The following SLC29A3 variants were observed in gnomAD, a reference collection of about 807,000 sequenced individuals.
The protein encoded by SLC29A3 is equilibrative nucleoside transporter 3.
In SLC29A3, 18 loss-of-function variants were observed where a neutral mutation model predicts 25.4. That is an observed-to-expected ratio of 0.71 (90% CI 0.49 to 1.05). The LOEUF is 1.05. Ranked by LOEUF, SLC29A3 falls within the 50% of genes least tolerant of loss-of-function variation. SLC29A3 has a pLI of 0.00. For synonymous variants in SLC29A3, 258 were observed against 267.1 expected, an observed-to-expected ratio of 0.97 and a Z score of 0.33; for missense variants, 586 against 609.0, an observed-to-expected ratio of 0.96 and a Z score of 0.40.
At chr10:71,330,384 C>T (rs1846090048) in intron 2 of SLC29A3, among the ~76,000 whole-genome samples, 1 of 152,242 alleles carries the variant, frequency 6.6e-6, no homozygotes, top group South Asian at 2.1e-4. Context: ...CCTCTCTGTG[C>T]TGTGTCAGGG....
At chr10:71,370,123 A>G (rs1207410137) in intron 3 of SLC29A3, among the ~76,000 whole-genome samples, 1 of 152,174 alleles carries the variant, frequency 6.6e-6, no homozygotes, top group Non-Finnish European at 1.5e-5. Context: ...TAGGCACTTG[A>G]AACATAAGGT....
intron 3 of SLC29A3, among the ~76,000 whole-genome samples, chr10:71,348,014 C>A (rs1465811470): frequency 6.6e-6 from 1 of 152,226 alleles, no homozygotes; most frequent in Non-Finnish European, 1.5e-5. Context: ...ATTCCCGAGG[C>A]TGGCGGATGC....
In SLC29A3 at chr10:71,362,542, C is replaced by T; in HGVS notation, c.1362C>T (p.Ser454=). ...CTGAGGCCACGGGAGTGGTGATGTC[C>T]TTTTATGTGTGCTTGGGCTTAACAC... is the stretch of plus-strand genomic sequence containing the variant. ...ELAEATGVVM[S]FYVCLGLTLG... is the part of the protein sequence containing the mutation. The change falls in exon 6 of 6, where the codon TCC becomes TCT. Residue 454 remains serine, a synonymous_variant. Coordinates refer to ENST00000373189, the MANE Select transcript of SLC29A3 (RefSeq NM_018344.6). 1.9e-6 allele frequency: 3 copies of T among 1,614,172 alleles called. No individual in the cohort carries two copies. Among genetic ancestry groups the T allele is most frequent in the Non-Finnish European group, 2.5e-6 (3 of 1,180,038 alleles).
intron 3 of SLC29A3, among the ~76,000 whole-genome samples, chr10:71,349,701 G>A (rs561203423): frequency 3.9e-5 from 6 of 152,190 alleles, no homozygotes; most frequent in Admixed American, 2.6e-4. Flanking sequence ...ATGAGTCCAC[G>A]CCTCTCCCCA....
chr10:71,322,835 C>G lies in SLC29A3; in HGVS notation c.81C>G (p.Asp27Glu). 6.2e-7 allele frequency: 1 copy of G among 1,614,218 alleles called. No homozygotes were observed. The highest frequency in any genetic ancestry group is 8.5e-7 in the Non-Finnish European group (1 of 1,180,040). ...YRTTSSSLRADQEALLEKLLD... is the reference protein window; with the variant it reads ...YRTTSSSLRAEQEALLEKLLD... ...CCACAAGCAGCAGTCTCCGAGCTGA[C>G]CAGGAGGCACTGCTTGAGAAGCTGC... Residue 27 changes from aspartate to glutamate, a missense_variant, in exon 2 of 6, where the codon GAC (aspartate) becomes GAG (glutamate). Asp to Glu is a conservative substitution (Grantham distance 45, BLOSUM62 2). Coordinates refer to ENST00000373189, the MANE Select transcript of SLC29A3 (RefSeq NM_018344.6).
Position 71,351,696 on chromosome 10 carries a change from T to G in SLC29A3, c.518T>G (p.Val173Gly). Residue 173 changes from valine (V) to glycine (G), a missense_variant, in exon 4 of 6, where the codon GTG (valine) becomes GGG (glycine). Coordinates refer to ENST00000373189, the MANE Select transcript of SLC29A3 (RefSeq NM_018344.6). ...TTTGCGGTCACCATTGTCTGCATGG[T>G]GATCCTCAGCGGTGCCTCCACTGTC... ...GFFAVTIVCMVILSGASTVFS... is the reference protein window; with the variant it reads ...GFFAVTIVCMGILSGASTVFS... 1 of 1,614,202 alleles carries G rather than the reference T, an allele frequency of 6.2e-7. No individual in the cohort carries two copies. Among genetic ancestry groups the G allele is most frequent in the Non-Finnish European group, 8.5e-7 (1 of 1,180,034 alleles).
chr10:71,364,974 A>G (rs1193335865), downstream of SLC29A3: 6 of 152,246 alleles, frequency 3.9e-5, no homozygotes. Context: ...CATGCCTGTA[A>G]TCCCAGCACT....
chr10:71,376,650 A>C (rs1847253915), intron 4 of SLC29A3, among the ~76,000 whole-genome samples: 1 of 152,210 alleles, frequency 6.6e-6, no homozygotes, highest in African/African-American at 2.4e-5. Flanking sequence ...CTAGCTATAG[A>C]GTTTATTCAA....
In SLC29A3 at chr10:71,344,291, G is replaced by A. The variant is rs1564534184; in HGVS notation, c.383G>A (p.Arg128Lys). 1 of 1,613,052 alleles carries A rather than the reference G, an allele frequency of 6.2e-7. No homozygotes were observed. The highest frequency in any genetic ancestry group is 8.5e-7 in the Non-Finnish European group (1 of 1,179,150). The change falls in exon 3 of 6, where the codon AGG (arginine) becomes AAG (lysine). Residue 128 changes from arginine (R) to lysine (K), a missense_variant and splice_region_variant. Transcript: ENST00000373189. ...CLVANFLLVN[R>K]VAVHIRVLAS... The stretch of plus-strand genomic sequence containing the variant: ...GTGGCCAACTTCCTGCTTGTCAACA[G>A]GTAGGCGACTCTCTTCCCTCTCTCA...
At chr10:71,361,918 A>C (rs1463856591) in intron 5 of SLC29A3, 36 bp from the exon 6 acceptor site, 1 of 1,612,706 alleles carries the variant, frequency 6.2e-7, no homozygotes, top group South Asian at 1.1e-5. Context: ...GATCCCAAGC[A>C]ACCTGCTTGA....
At chr10:71,319,738 C>G (rs1228005634) in intron 1 of SLC29A3, 1 of 172,166 alleles carries the variant, frequency 5.8e-6, no homozygotes. Flanking sequence ...ACAGGTTAGC[C>G]CTACCAGCTC....
intron 3 of SLC29A3, among the ~76,000 whole-genome samples, 176 bp downstream of exon 3, chr10:71,344,467 C>T (rs1846510087): frequency 6.6e-6 from 1 of 152,210 alleles, no homozygotes. Context: ...CCTGGTGATG[C>T]CCCCAGGGAG....
chr10:71,373,410 T>G (rs1050678118), intron 3 of SLC29A3, among the ~76,000 whole-genome samples: 3 of 152,222 alleles, frequency 2.0e-5, no homozygotes, highest in Non-Finnish European at 4.4e-5. Flanking sequence ...TGCTTTCTGC[T>G]GCTCAAGAAC....
chr10:71,334,770 A>G (rs3781312), intron 2 of SLC29A3, among the ~76,000 whole-genome samples: 1 of 151,052 alleles, frequency 6.6e-6, no homozygotes, highest in Non-Finnish European at 1.5e-5. Flanking sequence ...CCCCATCCCC[A>G]TTCATACTCC....
At chr10:71,326,164 C>T (rs1845960848) in intron 2 of SLC29A3, among the ~76,000 whole-genome samples, 1 of 152,150 alleles carries the variant, frequency 6.6e-6, no homozygotes, top group Non-Finnish European at 1.5e-5. Context: ...AAGAGATCCG[C>T]CCGCCTCAGC....
At chr10:71,368,034 A>T (rs746430952), downstream of SLC29A3, among the ~76,000 whole-genome samples, 4 of 152,112 alleles carry the variant, frequency 2.6e-5, no homozygotes, top group Non-Finnish European at 5.9e-5. Flanking sequence ...ACCAGCCTGG[A>T]CAACATAGTA....
At chr10:71,367,189 G>A (rs745309138), downstream of SLC29A3, among the ~76,000 whole-genome samples, 7 of 118,382 alleles carry the variant, frequency 5.9e-5, no homozygotes, top group Non-Finnish European at 1.2e-4. Flanking sequence ...GGGAGGCGGG[G>A]GGCCAGCCGT....
chr10:71,369,148 C>T (rs1847192400), intron 3 of SLC29A3, among the ~76,000 whole-genome samples: 2 of 152,340 alleles, frequency 1.3e-5, no homozygotes, highest in African/African-American at 2.4e-5. Context: ...CCTCTGTCAA[C>T]CAGGAAGCAG....
intron 3 of SLC29A3, among the ~76,000 whole-genome samples, chr10:71,373,118 T>C (rs552376144): frequency 1.3e-5 from 2 of 152,326 alleles, no homozygotes; most frequent in South Asian, 4.1e-4. Flanking sequence ...TGAGGTGATG[T>C]TAACTGTTTT....
Sources: allele counts gnomAD v4.1 joint callset (sites outside exome capture counted in the v4.1 genomes callset), GRCh38; gene constraint gnomAD v4.1.1; transcripts MANE v1.5; gene names NCBI Gene and HGNC (gene_info 2026-07-23, HGNC 2026-07-21).